Variants in LYZL6 observed in about 807,000 individuals in gnomAD.
LYZL6 encodes the protein lysozyme-like protein 6.
LYZL6 carries 21 observed loss-of-function variants against 15.0 expected under a neutral mutation model. That is an observed-to-expected ratio of 1.40 (90% CI 1.00 to 2.02). The LOEUF (loss-of-function observed/expected upper bound fraction) is 2.02. Ranked by LOEUF, LYZL6 falls within the 30% of genes most tolerant of loss-of-function variation. The pLI is 0.00. For synonymous variants in LYZL6, 72 were observed against 67.8 expected, an observed-to-expected ratio of 1.06 and a Z score of -0.31; for missense variants, 173 against 180.5, an observed-to-expected ratio of 0.96 and a Z score of 0.24.
At chr17:35,941,446 C>A (rs895345057) in intron 1 of LYZL6, among the ~76,000 whole-genome samples, 1 of 151,920 alleles carries the variant, frequency 6.6e-6, no homozygotes, top group African/African-American at 2.4e-5. Context: ...TTGCCTTTCA[C>A]TTTCTTGGTG....
chr17:35,938,043 A>G, intron 2 of LYZL6, 127 bp from the exon 3 acceptor site: 1 of 842,546 alleles, frequency 1.2e-6, no homozygotes, highest in Non-Finnish European at 1.8e-6. Flanking sequence ...ATAGGACTAG[A>G]GGGCTTGAAA....
At chr17:35,942,027 CCAAGGAGGACA>C (rs550222526) in intron 1 of LYZL6, among the ~76,000 whole-genome samples, 17,440 of 152,280 alleles carry the variant, frequency 0.11, 1,101 homozygotes, top group East Asian at 0.25. Context: ...GATGTGATTC[CCAAGGAGGACA>C]CATCGCTTAT....
intron 3 of LYZL6, 151 bp from the exon 4 acceptor site, chr17:35,936,984 T>C: frequency 1.5e-6 from 1 of 662,176 alleles, no homozygotes; most frequent in Non-Finnish European, 2.7e-6. Flanking sequence ...TAGACATCCC[T>C]ACAATGGCTG....
chr17:35,943,283 C>T (rs181443723), intron 1 of LYZL6, among the ~76,000 whole-genome samples: 57 of 152,258 alleles, frequency 3.7e-4, no homozygotes, highest in South Asian at 6.2e-4. Flanking sequence ...ATCTGAGACT[C>T]GTTCCACACC....
At chr17:35,936,857 T>C (rs754494789) in intron 3 of LYZL6, 24 bp from the exon 4 acceptor site, 6 of 1,604,038 alleles carry the variant, frequency 3.7e-6, no homozygotes, top group African/African-American at 1.3e-5. Flanking sequence ...AGAGAAAACC[T>C]GTGAGGGCAC....
At position 35,934,685 on chromosome 17, in the gene LYZL6, TG is replaced by T; in HGVS notation, c.*110del. The T allele has an allele frequency of 9.4e-7, 1 of 1,062,674 alleles. No homozygotes were observed. The allele number at this position is 1,062,674 out of a possible 1,614,324, so 65.8% of individuals were successfully genotyped here. A position where few individuals can be genotyped will look rare whatever the true frequency, so the allele number is the denominator to read the frequency against. ...GGCTCTGGTCAGTTTTAGTTGTAAA[TG>T]GGAAGGGAAGAAAATAACATGAAGT... On this transcript the variant is annotated 3_prime_UTR_variant, in exon 5 of 5. Coordinates refer to ENST00000615905, the MANE Select transcript of LYZL6 (RefSeq NM_020426.4).
At chr17:35,938,027 G>A (rs2089392128) in intron 2 of LYZL6, 111 bp from the exon 3 acceptor site, 1 of 1,042,520 alleles carries the variant, frequency 9.6e-7, no homozygotes, top group African/African-American at 1.6e-5. Context: ...AGGCCTGGGA[G>A]GCAAGATAGG....
intron 3 of LYZL6, among the ~76,000 whole-genome samples, chr17:35,937,459 C>T (rs2089384521): frequency 6.6e-6 from 1 of 152,178 alleles, no homozygotes; most frequent in African/African-American, 2.4e-5. Context: ...ATGAAATAAG[C>T]CAAGTATGTA....
At chr17:35,940,867 A>G (rs1036246849) in intron 1 of LYZL6, among the ~76,000 whole-genome samples, 9 of 152,230 alleles carry the variant, frequency 5.9e-5, no homozygotes, top group African/African-American at 2.2e-4. Flanking sequence ...CTATGGTTGA[A>G]TAATATTTCA....
chr17:35,937,617 C>A (rs560908625), intron 3 of LYZL6, 141 bp downstream of exon 3: 9 of 881,568 alleles, frequency 1.0e-5, no homozygotes, highest in Non-Finnish European at 1.5e-5. Flanking sequence ...ACTACTCCAG[C>A]CCTCTGCTCA....
At chr17:35,937,937 G>T (rs763720381) in intron 2 of LYZL6, 21 bp from the exon 3 acceptor site, 2 of 1,610,302 alleles carry the variant, frequency 1.2e-6, no homozygotes. Context: ...GGAGAAGAAG[G>T]TCAGGATTTA....
At chr17:35,942,851 A>C (rs1192590773) in intron 1 of LYZL6, among the ~76,000 whole-genome samples, 1 of 152,206 alleles carries the variant, frequency 6.6e-6, no homozygotes, top group East Asian at 1.9e-4. Flanking sequence ...GTATGCCTAC[A>C]GCTGCAAGAT....
At chr17:35,940,754 G>A (rs1379482038) in intron 1 of LYZL6, among the ~76,000 whole-genome samples, 1 of 152,080 alleles carries the variant, frequency 6.6e-6, no homozygotes. Context: ...TCATACACAC[G>A]GAGTTACAGA....
In LYZL6 at chr17:35,934,686, G is replaced by A. The variant is rs561172276; in HGVS notation, c.*110C>T. 3 of 1,068,856 alleles carry A rather than the reference G, an allele frequency of 2.8e-6. No homozygotes were observed. The East Asian group carries it at 7.3e-5, about 26-fold the overall frequency. The allele number at this position is 1,068,856 out of a possible 1,614,324, so 66.2% of individuals were successfully genotyped here. ...GCTCTGGTCAGTTTTAGTTGTAAAT[G>A]GGAAGGGAAGAAAATAACATGAAGT... On this transcript the variant is annotated 3_prime_UTR_variant, in exon 5 of 5. Coordinates refer to ENST00000615905, the MANE Select transcript of LYZL6 (RefSeq NM_020426.4).
intron 3 of LYZL6, among the ~76,000 whole-genome samples, chr17:35,937,202 C>T (rs576958300): frequency 1.3e-5 from 2 of 152,188 alleles, no homozygotes; most frequent in South Asian, 2.1e-4. Flanking sequence ...CGAGGGACAT[C>T]GGTCAGTGTG....
chr17:35,935,859 G>T (rs1397838899), intron 4 of LYZL6, among the ~76,000 whole-genome samples: 3 of 149,456 alleles, frequency 2.0e-5, no homozygotes, highest in Non-Finnish European at 4.4e-5. Flanking sequence ...TGCCGCCCAG[G>T]CTGGAGTGCA....
At position 35,937,843 on chromosome 17, in the gene LYZL6, G is replaced by C. The variant is rs751290900; in HGVS notation, c.213C>G (p.Asp71Glu). 6.2e-7 allele frequency: 1 copy of C among 1,614,106 alleles called. No individual in the cohort carries two copies. The highest frequency in any genetic ancestry group is 1.1e-5 in the South Asian group (1 of 91,088). The change falls in exon 3 of 5, where the codon GAC becomes GAG. Residue 71 changes from aspartate to glutamate, a missense_variant. Asp to Glu is a conservative substitution (Grantham distance 45, BLOSUM62 2). Coordinates refer to ENST00000615905, the MANE Select transcript of LYZL6 (RefSeq NM_020426.4). ...KINENADGSFDYGLFQINSHY... is the reference protein window; with the variant it reads ...KINENADGSFEYGLFQINSHY... ...GGCTGTTGATCTGGAAGAGGCCATA[G>C]TCAAAGCTTCCGTCTGCATTTTCAT... is the stretch of plus-strand genomic sequence containing the variant.
At chr17:35,938,004 G>C in intron 2 of LYZL6, 88 bp from the exon 3 acceptor site, 1 of 1,362,098 alleles carries the variant, frequency 7.3e-7, no homozygotes, top group Non-Finnish European at 1.0e-6. Flanking sequence ...CAAGGTTTCA[G>C]ACAAAAGGAA....
Position 35,937,770 on chromosome 17 carries a change from C to T in LYZL6, c.286G>A (p.Val96Ile), listed in dbSNP as rs114022698. The change falls in exon 3 of 5, where the codon GTA (valine) becomes ATA (isoleucine). Residue 96 changes from valine to isoleucine, a missense_variant. Transcript: ENST00000615905. Reference protein sequence around the residue: ...YKSYSENLCHVDCQDLLNPNL... With the variant: ...YKSYSENLCHIDCQDLLNPNL... ...GCCCTGGCCAGACCTTGACAGTCTA[C>T]GTGGCAAAGGTTTTCCGAGTAACTC... 852 of 1,614,068 alleles carry T rather than the reference C, an allele frequency of 5.3e-4. No homozygotes were observed. Among genetic ancestry groups the T allele is most frequent in the South Asian group, 2.3e-3 (209 of 91,054 alleles).
Sources: gnomAD v4.1 joint callset for allele counts (sites outside exome capture counted in the v4.1 genomes callset) on GRCh38, gnomAD v4.1.1 for gene constraint, MANE v1.5 for transcripts, NCBI Gene and HGNC (gene_info 2026-07-23, HGNC 2026-07-21) for gene names.